The following LYPLAL1 variants were observed in gnomAD, a reference collection of about 807,000 sequenced individuals.
LYPLAL1 encodes lysophospholipase-like protein 1.
A neutral mutation model predicts 19.7 loss-of-function variants in LYPLAL1; 23 were observed. That is an observed-to-expected ratio of 1.17 (90% CI 0.84 to 1.65). The LOEUF is 1.65. LYPLAL1 is among the 40% of genes most tolerant of loss of function. LYPLAL1 has a pLI of 0.00. For synonymous variants in LYPLAL1, 119 were observed against 96.3 expected (o/e 1.24, Z -1.38); for missense variants, 355 against 279.4 (o/e 1.27, Z -1.93).
the LYPLAL1 span, among the ~76,000 whole-genome samples, chr1:219,383,117 A>G: frequency 1.3e-5 from 2 of 152,262 alleles, no homozygotes; most frequent in African/African-American, 2.4e-5. Flanking sequence ...GGTTCCATGT[A>G]GACCTCATGT....
chr1:219,288,470 G>A, the LYPLAL1 span, among the ~76,000 whole-genome samples: 10 of 152,138 alleles, frequency 6.6e-5, no homozygotes, highest in Admixed American at 5.2e-4. Context: ...GGTTTGAGGC[G>A]TGGGATAATT....
chr1:219,390,342 C>G, the LYPLAL1 span, among the ~76,000 whole-genome samples: 2 of 152,142 alleles, frequency 1.3e-5, no homozygotes, highest in African/African-American at 4.8e-5. Flanking sequence ...AAAACTTCTT[C>G]TAAAAGAAAT....
chr1:219,288,494 T>A, the LYPLAL1 span, among the ~76,000 whole-genome samples: 3 of 151,978 alleles, frequency 2.0e-5, no homozygotes, highest in Non-Finnish European at 4.4e-5. Flanking sequence ...CTACAGAAAA[T>A]TTTCAGGGCA....
the LYPLAL1 span, among the ~76,000 whole-genome samples, chr1:219,229,317 GA>G: frequency 9.3e-5 from 14 of 149,950 alleles, no homozygotes; most frequent in African/African-American, 2.7e-4. Flanking sequence ...GAGAGAGAGA[GA>G]GAGAGAGAGA....
the LYPLAL1 span, among the ~76,000 whole-genome samples, chr1:219,250,148 A>T: frequency 2.4e-4 from 36 of 152,184 alleles, no homozygotes; most frequent in African/African-American, 8.4e-4. Context: ...TAAAAGCTTA[A>T]GTATATTACT....
At chr1:219,419,904 C>A in the LYPLAL1 span, among the ~76,000 whole-genome samples, 1 of 152,190 alleles carries the variant, frequency 6.6e-6, no homozygotes, top group Non-Finnish European at 1.5e-5. Context: ...AAGTGGTAGT[C>A]AGAGTTCTTA....
At chr1:219,369,552 G>T in the LYPLAL1 span, among the ~76,000 whole-genome samples, 1 of 152,176 alleles carries the variant, frequency 6.6e-6, no homozygotes, top group South Asian at 2.1e-4. Context: ...GATTATGGGC[G>T]TGAGCCACTG....
the LYPLAL1 span, among the ~76,000 whole-genome samples, chr1:219,400,119 C>G: frequency 1.2e-4 from 19 of 152,152 alleles, no homozygotes; most frequent in Non-Finnish European, 2.6e-4. Flanking sequence ...TCCTGATGCA[C>G]AGTATCGTCG....
the LYPLAL1 span, chr1:219,273,290 A>G: frequency 1.1e-4 from 16 of 152,218 alleles, no homozygotes; most frequent in Non-Finnish European, 1.8e-4. Context: ...GAATCAACAT[A>G]CAATCTTTCT....
chr1:219,419,548 A>AAC, the LYPLAL1 span, among the ~76,000 whole-genome samples: 1,699 of 97,818 alleles, frequency 0.017, 39 homozygotes, highest in East Asian at 0.055. Flanking sequence ...GCCCTAGCCC[A>AAC]ACACACACAC....
At chr1:219,377,830 A>G in the LYPLAL1 span, among the ~76,000 whole-genome samples, 2 of 152,232 alleles carry the variant, frequency 1.3e-5, no homozygotes, top group East Asian at 1.9e-4. Context: ...TCCAAACTCA[A>G]AGACACCCAG....
the LYPLAL1 span, among the ~76,000 whole-genome samples, chr1:219,345,714 C>G: frequency 2.5e-4 from 38 of 152,006 alleles, no homozygotes; most frequent in Non-Finnish European, 4.7e-4. Context: ...TTTGCTTCCT[C>G]CAAACACATA....
chr1:219,430,642 G>A, the LYPLAL1 span, among the ~76,000 whole-genome samples: 1 of 152,172 alleles, frequency 6.6e-6, no homozygotes, highest in Non-Finnish European at 1.5e-5. Context: ...CCATGTCTCT[G>A]TAGTGATTGC....
At chr1:219,235,065 T>G in the LYPLAL1 span, among the ~76,000 whole-genome samples, 1 of 152,186 alleles carries the variant, frequency 6.6e-6, no homozygotes, top group Non-Finnish European at 1.5e-5. Context: ...ATACAAGATC[T>G]GTCATTTGTT....
At chr1:219,299,914 A>T in the LYPLAL1 span, among the ~76,000 whole-genome samples, 3 of 152,282 alleles carry the variant, frequency 2.0e-5, no homozygotes, top group South Asian at 6.2e-4. Flanking sequence ...TTCCTCAGAT[A>T]ACCAGTCGGA....
At chr1:219,409,171 G>T in the LYPLAL1 span, among the ~76,000 whole-genome samples, 1 of 152,170 alleles carries the variant, frequency 6.6e-6, no homozygotes, top group Non-Finnish European at 1.5e-5. Context: ...TAAAATGGTT[G>T]GGTGTAGTGG....
At chr1:219,313,749 G>A in the LYPLAL1 span, among the ~76,000 whole-genome samples, 3 of 152,044 alleles carry the variant, frequency 2.0e-5, no homozygotes, top group Non-Finnish European at 4.4e-5. Flanking sequence ...TGGCCAGGCT[G>A]GTCTCCAACT....
the LYPLAL1 span, among the ~76,000 whole-genome samples, chr1:219,390,208 C>T: frequency 6.6e-6 from 1 of 152,136 alleles, no homozygotes; most frequent in Non-Finnish European, 1.5e-5. Flanking sequence ...AAATATGGCG[C>T]TTTGACATGC....
At chr1:219,351,987 C>G in the LYPLAL1 span, among the ~76,000 whole-genome samples, 6 of 152,202 alleles carry the variant, frequency 3.9e-5, no homozygotes, top group Non-Finnish European at 8.8e-5. Flanking sequence ...ATTCTAGGCA[C>G]AGCATGTTAG....
Sources: allele counts gnomAD v4.1 joint callset (sites outside exome capture counted in the v4.1 genomes callset), GRCh38; gene constraint gnomAD v4.1.1; transcripts MANE v1.5; gene names NCBI Gene and HGNC (gene_info 2026-07-23, HGNC 2026-07-21).